RCAN3: variants seen among roughly 807,000 people sequenced by gnomAD.
RCAN3 encodes the protein regulator of calcineurin 3.
Under a neutral mutation model 21.9 loss-of-function variants are expected in RCAN3, and 19 were observed. The ratio of observed to expected loss-of-function variants is 0.87; its 90% CI spans 0.61 to 1.27. The LOEUF is 1.27. Ranked by LOEUF, RCAN3 falls within the 50% of genes most tolerant of loss-of-function variation. RCAN3 has a pLI of 0.00. For missense variants in RCAN3, 240 were observed against 300.1 expected (o/e 0.80, Z 1.48); for synonymous variants, 114 against 112.3 (o/e 1.01, Z -0.09).
At chr1:24,502,795 C>T (rs1485894429), upstream of RCAN3, 3 of 151,040 alleles carry the variant, frequency 2.0e-5, no homozygotes, top group Non-Finnish European at 3.0e-5. Flanking sequence ...CCCGCCTTGT[C>T]CTGGGCTCTG....
At chr1:24,530,588 G>T (rs1649682465) in intron 2 of RCAN3, among the ~76,000 whole-genome samples, 4 of 152,150 alleles carry the variant, frequency 2.6e-5, no homozygotes, top group Admixed American at 2.6e-4. Flanking sequence ...AACCAACCTT[G>T]TCCCACCGGG....
rs1403101339 is a variant in RCAN3, at chr1:24,531,317, G to A, written c.295G>A (p.Ala99Thr). The A allele has an allele frequency of 6.2e-7, 1 of 1,613,790 alleles. No homozygotes were observed. Among genetic ancestry groups the A allele is most frequent in the Non-Finnish European group, 8.5e-7 (1 of 1,179,902 alleles). The change falls in exon 3 of 5, where the codon GCG becomes ACG. Residue 99 changes from alanine to threonine, a missense_variant. Physicochemically the swap from Ala to Thr is moderately conservative, Grantham distance 58. Coordinates refer to ENST00000374395, the MANE Select transcript of RCAN3 (RefSeq NM_013441.4). ...RVRINFSKPE[A>T]AARARIELHE... ...CAGAATAAATTTCAGCAAACCTGAA[G>A]CGGCAGCAAGAGCGCGAATAGAACT... is the stretch of plus-strand genomic sequence containing the variant.
At chr1:24,523,832 T>C (rs1649031243) in intron 2 of RCAN3, among the ~76,000 whole-genome samples, 1 of 152,208 alleles carries the variant, frequency 6.6e-6, no homozygotes, top group South Asian at 2.1e-4. Flanking sequence ...AGCTTAAGTA[T>C]ACATTAACAA....
In RCAN3 at chr1:24,525,903, A is replaced by G. The variant is rs1649215896; in HGVS notation, c.196-5315A>G. On this transcript the variant is annotated intron_variant, in intron 2 of 4. Transcript: ENST00000374395. This position sits in a 1 kb window ranked among gnomAD's most constrained non-coding sequence, Gnocchi z 4.1. ...GAGGGCTCGTAACCATTTTTCACAA[A>G]TAGGAAACTGATGGTTTTGCCTCCA... Among the ~76,000 whole-genome samples the G allele has an allele frequency of 6.6e-6, 1 of 152,172 alleles. No homozygotes were observed. The highest frequency in any genetic ancestry group is 2.4e-5 in the African/African-American group (1 of 41,442).
chr1:24,533,194 G>A lies in RCAN3; in HGVS notation c.481G>A (p.Glu161Lys), dbSNP rs1570487033. 4 of 1,606,976 alleles carry A rather than the reference G, an allele frequency of 2.5e-6. No individual in the cohort carries two copies. The highest frequency in any genetic ancestry group is 1.1e-5 in the South Asian group (1 of 89,878). Residue 161 changes from glutamate to lysine, a missense_variant, in exon 4 of 5, where the codon GAA becomes AAA. Physicochemically the swap from Glu to Lys is moderately conservative, Grantham distance 56. Coordinates refer to ENST00000374395, the MANE Select transcript of RCAN3 (RefSeq NM_013441.4). ...TCCCCCGGTGGGGTGGAAGCAGAGC[G>A]AAGATGCGATGCCTGTTATAAATTA... The part of the protein sequence containing the change: ...ASPPVGWKQS[E>K]DAMPVINYDL...
At chr1:24,529,145 C>T (rs1389248432) in intron 2 of RCAN3, among the ~76,000 whole-genome samples, 1 of 152,140 alleles carries the variant, frequency 6.6e-6, no homozygotes, top group African/African-American at 2.4e-5. Flanking sequence ...CAGTTGCTCA[C>T]GTCTTTAATC....
At chr1:24,522,215 T>C (rs553989058) in intron 2 of RCAN3, among the ~76,000 whole-genome samples, 1 of 152,298 alleles carries the variant, frequency 6.6e-6, no homozygotes, top group Non-Finnish European at 1.5e-5. Flanking sequence ...TATGTATGTA[T>C]TGGACACCTG....
At chr1:24,505,431 CG>C (rs1647368540) in intron 1 of RCAN3, among the ~76,000 whole-genome samples, 1 of 151,640 alleles carries the variant, frequency 6.6e-6, no homozygotes, top group African/African-American at 2.4e-5. Context: ...CCATGTTGCC[CG>C]GGCTGGTCTC....
At chr1:24,531,457 T>C (rs1649752325) in intron 3 of RCAN3, 66 bp downstream of exon 3, 7 of 1,223,664 alleles carry the variant, frequency 5.7e-6, no homozygotes, top group Non-Finnish European at 6.7e-6. Context: ...ATATTTTTAT[T>C]TCACCGTTTT....
intron 2 of RCAN3, among the ~76,000 whole-genome samples, chr1:24,519,982 T>C (rs1283632935): frequency 6.6e-6 from 1 of 152,208 alleles, no homozygotes; most frequent in Admixed American, 6.5e-5. Context: ...GTATCAAAAA[T>C]ATTATTTAAG....
rs369650223 is a variant in RCAN3 at position 24,535,198 on chromosome 1, A to G, written c.647A>G (p.Gln216Arg). The change falls in exon 5 of 5, where the codon CAG (glutamine) becomes CGG (arginine). Residue 216 changes from glutamine to arginine, a missense_variant. Coordinates refer to ENST00000374395, the MANE Select transcript of RCAN3 (RefSeq NM_013441.4). Reference protein sequence around the residue: ...EEEEETKNPKQKIAQTRRPDP... With the variant: ...EEEEETKNPKRKIAQTRRPDP... ...GAAGAAGAGACAAAAAACCCCAAAC[A>G]GAAAATTGCCCAGACGAGGCGCCCC... 4 of 1,594,920 alleles carry G rather than the reference A, an allele frequency of 2.5e-6. No individual in the cohort carries two copies. The African/African-American group carries it at 5.5e-5, about 22-fold the overall frequency.
chr1:24,506,126 C>T (rs904930792), intron 1 of RCAN3, among the ~76,000 whole-genome samples: 6 of 152,100 alleles, frequency 3.9e-5, no homozygotes, highest in African/African-American at 7.2e-5. Flanking sequence ...TGGAGGATAT[C>T]GGTTCAGCCC....
At chr1:24,513,975 G>GGTTCACATT (rs1648093619) in intron 1 of RCAN3, among the ~76,000 whole-genome samples, 1 of 152,078 alleles carries the variant, frequency 6.6e-6, no homozygotes, top group Non-Finnish European at 1.5e-5. Context: ...AGGCTCTTCT[G>GGTTCACATT]GTTCACATTT....
chr1:24,529,309 T>C (rs1007424638), intron 2 of RCAN3, among the ~76,000 whole-genome samples: 11 of 151,448 alleles, frequency 7.3e-5, no homozygotes, highest in African/African-American at 2.7e-4. Context: ...TCCCAGCATT[T>C]TGGGAGGGCA....
rs904282054 is a variant in RCAN3 at position 24,538,152 on chromosome 1, T to G, written c.*2875T>G. Reference sequence around the variant, plus strand: ...CTCACCTGATGAAACCAAAGACAAATCCATGTAAAAAGTGTTCCAGTGAGC... The same window carrying G: ...CTCACCTGATGAAACCAAAGACAAAGCCATGTAAAAAGTGTTCCAGTGAGC... On this transcript the variant is annotated 3_prime_UTR_variant, in exon 5 of 5. Transcript: ENST00000374395. 6.6e-6 allele frequency: 1 copy of G among 152,096 alleles called. No homozygotes were observed. The highest frequency in any genetic ancestry group is 1.5e-5 in the Non-Finnish European group (1 of 68,016). The allele number at this position is 152,096 out of a possible 1,614,324, so 9.4% of individuals were successfully genotyped here. A position where few individuals can be genotyped will look rare whatever the true frequency, so the allele number is the denominator to read the frequency against.
In RCAN3 at chr1:24,535,316, C is replaced by A; in HGVS notation, c.*39C>A. 6.7e-7 allele frequency: 1 copy of A among 1,500,938 alleles called. No individual in the cohort carries two copies. Among genetic ancestry groups the A allele is most frequent in the Non-Finnish European group, 8.8e-7 (1 of 1,132,616 alleles). The allele number at this position is 1,500,938 out of a possible 1,614,324, so 93.0% of individuals were successfully genotyped here. On this transcript the variant is annotated 3_prime_UTR_variant, in exon 5 of 5. Coordinates refer to ENST00000374395, the MANE Select transcript of RCAN3 (RefSeq NM_013441.4). ...GGTGCGAGGCGGCTGCCCTGGTGGGCTCTGGCCATGGCGCTCTGTGCCTGC... is the reference window on the plus strand; with the variant it reads ...GGTGCGAGGCGGCTGCCCTGGTGGGATCTGGCCATGGCGCTCTGTGCCTGC...
At position 24,535,472 on chromosome 1, in the gene RCAN3, G is replaced by A. The variant is rs1570492674; in HGVS notation, c.*195G>A. The A allele has an allele frequency of 1.5e-5, 7 of 472,488 alleles. No homozygotes were observed. Among genetic ancestry groups the A allele is most frequent in the Admixed American group, 4.4e-5 (1 of 22,716 alleles). 29.3% of individuals were successfully genotyped at this position (472,488 alleles called of 1,614,324 possible). ...ATTTGACCTGTCCCAGATTTTAAGT[G>A]ATATTCCAAAAGGGACTTTACATTA... is the stretch of plus-strand genomic sequence containing the variant. On this transcript the variant is annotated 3_prime_UTR_variant, in exon 5 of 5. Coordinates refer to ENST00000374395, the MANE Select transcript of RCAN3 (RefSeq NM_013441.4).
Position 24,536,328 on chromosome 1 carries a change from A to G in RCAN3, c.*1051A>G, listed in dbSNP as rs974675817. 8 of 152,192 alleles carry G rather than the reference A, an allele frequency of 5.3e-5. No individual in the cohort carries two copies. The highest frequency in any genetic ancestry group is 1.4e-4 in the African/African-American group (6 of 41,444). 9.4% of individuals were successfully genotyped at this position (152,192 alleles called of 1,614,324 possible). A position where few individuals can be genotyped will look rare whatever the true frequency, so the allele number is the denominator to read the frequency against. Reference sequence around the variant, plus strand: ...CAAAAGTCACACCTACTATTTTTCTATGAATTAGGGAATGAGGGGGAGATC... The same window carrying G: ...CAAAAGTCACACCTACTATTTTTCTGTGAATTAGGGAATGAGGGGGAGATC... On this transcript the variant is annotated 3_prime_UTR_variant, in exon 5 of 5. Coordinates refer to ENST00000374395, the MANE Select transcript of RCAN3 (RefSeq NM_013441.4).
chr1:24,504,680 T>C (rs1557561474), intron 1 of RCAN3, among the ~76,000 whole-genome samples: 1 of 152,184 alleles, frequency 6.6e-6, no homozygotes, highest in African/African-American at 2.4e-5. Context: ...GCCTGAAGCC[T>C]GTGAAATAAT....
Sources: allele counts gnomAD v4.1 joint callset (sites outside exome capture counted in the v4.1 genomes callset), GRCh38; gene constraint gnomAD v4.1.1; non-coding constraint Gnocchi (gnomAD v3.1); transcripts MANE v1.5; gene names NCBI Gene and HGNC (gene_info 2026-07-23, HGNC 2026-07-21).